The following NBEA variants were observed in gnomAD, a reference collection of about 807,000 sequenced individuals.
NBEA encodes the protein neurobeachin, also known as lysosomal-trafficking regulator 2.
In NBEA, 44 loss-of-function variants were observed where a neutral mutation model predicts 343.4. That is an observed-to-expected ratio of 0.13 (90% CI 0.10 to 0.16). The LOEUF is 0.16. Among genes scored for constraint, NBEA ranks in the 10% least tolerant of loss-of-function variants. NBEA has a pLI of 1.00. For synonymous variants in NBEA, 1,175 were observed against 1,238.7 expected (o/e 0.95, Z 1.08); for missense variants, 2,555 against 3,631.3 (o/e 0.70, Z 7.62).
intron 10 of NBEA, among the ~76,000 whole-genome samples, chr13:35,083,841 G>A (rs2064566819): frequency 6.6e-6 from 1 of 152,076 alleles, no homozygotes; most frequent in African/African-American, 2.4e-5. Context: ...CATCTCATGT[G>A]CAGAGACACA....
intron 31 of NBEA, among the ~76,000 whole-genome samples, chr13:35,198,056 A>G (rs2072751203): frequency 6.6e-6 from 1 of 152,228 alleles, no homozygotes; most frequent in Non-Finnish European, 1.5e-5. Flanking sequence ...TGGTAGGACT[A>G]TAAAATGTAA....
intron 33 of NBEA, among the ~76,000 whole-genome samples, chr13:35,215,462 T>C (rs1001013164): frequency 6.6e-6 from 1 of 151,644 alleles, no homozygotes; most frequent in African/African-American, 2.4e-5. Context: ...CCAAAAAGAG[T>C]ACATAGTGTA....
intron 1 of NBEA, among the ~76,000 whole-genome samples, chr13:34,972,173 G>A (rs999371485): frequency 2.6e-5 from 4 of 151,986 alleles, no homozygotes; most frequent in Admixed American, 1.3e-4. Flanking sequence ...TGTTTCTGTG[G>A]AGTATTCCCC....
intron 39 of NBEA, among the ~76,000 whole-genome samples, chr13:35,436,498 C>T (rs905781377): frequency 2.2e-4 from 34 of 152,106 alleles, no homozygotes; most frequent in Non-Finnish European, 4.1e-4. Flanking sequence ...ATCACGAGGT[C>T]AGGAGATCAA....
intron 30 of NBEA, among the ~76,000 whole-genome samples, chr13:35,189,311 TA>T: frequency 6.6e-6 from 1 of 152,174 alleles, no homozygotes; most frequent in East Asian, 1.9e-4. Context: ...GAGCATTTTT[TA>T]TATACCTGTT....
intron 38 of NBEA, among the ~76,000 whole-genome samples, chr13:35,423,723 C>A (rs1279173619): frequency 6.6e-6 from 1 of 152,124 alleles, no homozygotes; most frequent in African/African-American, 2.4e-5. Context: ...GGCATTGAAT[C>A]TATAAATTAC....
At chr13:35,481,984 G>T (rs546530329) in intron 41 of NBEA, among the ~76,000 whole-genome samples, 63 of 151,800 alleles carry the variant, frequency 4.2e-4, no homozygotes, top group Middle Eastern at 3.4e-3. Flanking sequence ...TCTCATTACT[G>T]TTTCATACTG....
chr13:35,515,979 G>T (rs2077472524), intron 41 of NBEA, among the ~76,000 whole-genome samples: 1 of 152,136 alleles, frequency 6.6e-6, no homozygotes, highest in African/African-American at 2.4e-5. Flanking sequence ...TAACACAGGT[G>T]TTTTGCTGTA....
chr13:35,422,092 G>GTTTTTTTTT (rs566959976), intron 38 of NBEA, among the ~76,000 whole-genome samples: 1 of 93,138 alleles, frequency 1.1e-5, no homozygotes, highest in Admixed American at 9.5e-5. Context: ...TTGTTTGTTT[G>GTTTTTTTTT]TTTTTTTTTT....
chr13:34,986,858 T>A (rs2060567749), intron 1 of NBEA, among the ~76,000 whole-genome samples: 1 of 150,906 alleles, frequency 6.6e-6, no homozygotes, highest in Non-Finnish European at 1.5e-5. Context: ...TTGTTTTCCA[T>A]TTGCTTGGTA....
intron 48 of NBEA, among the ~76,000 whole-genome samples, chr13:35,615,589 C>T (rs2082704571): frequency 6.6e-6 from 1 of 152,130 alleles, no homozygotes; most frequent in Non-Finnish European, 1.5e-5. Flanking sequence ...AGGTGATCCG[C>T]CTGCCTCAGC....
chr13:34,994,185 A>G (rs1395142787), intron 1 of NBEA, among the ~76,000 whole-genome samples: 6 of 139,388 alleles, frequency 4.3e-5, no homozygotes, highest in Non-Finnish European at 9.2e-5. Flanking sequence ...GTGACAGAGC[A>G]AGGCTCTGTC....
chr13:35,418,430 A>G (rs981079846), intron 38 of NBEA, among the ~76,000 whole-genome samples: 1 of 152,178 alleles, frequency 6.6e-6, no homozygotes, highest in Admixed American at 6.6e-5. Flanking sequence ...ATGTGCTTGT[A>G]TAGTGATGAA....
At chr13:35,328,946 A>G (rs768641523) in intron 36 of NBEA, among the ~76,000 whole-genome samples, 1 of 151,978 alleles carries the variant, frequency 6.6e-6, no homozygotes, top group African/African-American at 2.4e-5. Context: ...TAGCACTGAT[A>G]TAAAGATAGA....
intron 17 of NBEA, among the ~76,000 whole-genome samples, chr13:35,124,293 G>A (rs1361210725): frequency 1.3e-5 from 2 of 148,164 alleles, no homozygotes; most frequent in South Asian, 2.1e-4. Flanking sequence ...TTTGCAAAGC[G>A]CTTATTTGTA....
In NBEA at chr13:34,991,733, A is replaced by G. The variant is rs9599948; in HGVS notation, c.294+48619A>G. Among the ~76,000 whole-genome samples, 1,478 of 152,312 alleles carry G rather than the reference A, an allele frequency of 9.7e-3. 18 individuals carry two copies. Among genetic ancestry groups the G allele is most frequent in the African/African-American group, 0.034 (1,425 of 41,572 alleles). On this transcript the variant is annotated intron_variant, in intron 1 of 58. Coordinates refer to ENST00000379939, the MANE Select transcript of NBEA (RefSeq NM_001385012.1). ...CATATATTATTCTATGTTTACCAAT[A>G]TGCATGCCATTTCTTTTACTTTTTG... is the stretch of plus-strand genomic sequence containing the variant.
At chr13:35,535,682 G>T (rs1284641685) in intron 41 of NBEA, among the ~76,000 whole-genome samples, 2 of 152,244 alleles carry the variant, frequency 1.3e-5, no homozygotes, top group African/African-American at 4.8e-5. Flanking sequence ...GATGTAATTT[G>T]TCCCATTTTA....
At chr13:35,611,332 A>G (rs916231357) in intron 48 of NBEA, among the ~76,000 whole-genome samples, 4 of 152,230 alleles carry the variant, frequency 2.6e-5, no homozygotes, top group East Asian at 3.8e-4. Context: ...TAGTAACTCC[A>G]TATTATGAAG....
chr13:35,596,637 T>A (rs867919943), intron 47 of NBEA, among the ~76,000 whole-genome samples: 90 of 152,250 alleles, frequency 5.9e-4, no homozygotes, highest in African/African-American at 1.9e-3. Flanking sequence ...TATTATTTTT[T>A]AAATTTCTTT....
Sources: gnomAD v4.1 joint callset for allele counts (sites outside exome capture counted in the v4.1 genomes callset) on GRCh38, gnomAD v4.1.1 for gene constraint, MANE v1.5 for transcripts, NCBI Gene and HGNC (gene_info 2026-07-23, HGNC 2026-07-21) for gene names.